CCDC192: variants seen among roughly 807,000 people sequenced by gnomAD.
CCDC192 encodes the protein coiled-coil domain-containing protein 192.
intron 6 of CCDC192, among the ~76,000 whole-genome samples, chr5:127,919,852 C>T (rs1364754774): frequency 6.6e-6 from 1 of 152,228 alleles, no homozygotes; most frequent in Non-Finnish European, 1.5e-5. Context: ...TCTATCTGCT[C>T]TGTACTACAG....
intron 5 of CCDC192, among the ~76,000 whole-genome samples, chr5:127,802,433 C>A (rs551372167): frequency 1.4e-4 from 22 of 152,144 alleles, no homozygotes; most frequent in South Asian, 8.3e-4. Flanking sequence ...TCATCTCCAT[C>A]TCCATCTGCG....
At chr5:127,752,715 G>A (rs1284330733) in intron 2 of CCDC192, among the ~76,000 whole-genome samples, 3 of 152,146 alleles carry the variant, frequency 2.0e-5, no homozygotes, top group Non-Finnish European at 4.4e-5. Context: ...CCCCAGCCTC[G>A]CTGCCGCCTT....
chr5:127,890,362 A>G (rs1470045235), intron 6 of CCDC192, among the ~76,000 whole-genome samples: 2 of 151,976 alleles, frequency 1.3e-5, no homozygotes, highest in Admixed American at 6.6e-5. Context: ...CCTGTAGATA[A>G]GCATCACTAT....
chr5:127,813,839 A>C (rs535289612), intron 5 of CCDC192, among the ~76,000 whole-genome samples: 14 of 152,176 alleles, frequency 9.2e-5, no homozygotes, highest in Non-Finnish European at 1.3e-4. Context: ...TCCATTAAAA[A>C]CTCATGACAA....
intron 5 of CCDC192, among the ~76,000 whole-genome samples, chr5:127,825,167 A>T (rs1211501037): frequency 6.6e-6 from 1 of 152,222 alleles, no homozygotes; most frequent in South Asian, 2.1e-4. Context: ...TGAGAATAGC[A>T]TTTACTTATT....
rs1751061324 is a variant in CCDC192 at position 127,707,854 on chromosome 5, A to G, written c.114+94A>G. 5.2e-6 allele frequency: 2 copies of G among 387,116 alleles called. 1 individual carries two copies. Among genetic ancestry groups the G allele is most frequent in the Admixed American group, 8.9e-5 (2 of 22,410 alleles). The allele number at this position is 387,116 out of a possible 1,614,324, so 24.0% of individuals were successfully genotyped here. On this transcript the variant is annotated intron_variant, in intron 2 of 6. Coordinates refer to ENST00000514853, the MANE Select transcript of CCDC192 (RefSeq NM_001317938.2). Reference sequence around the variant, plus strand: ...TAATTAATATTAAGGTTTTCTTGATATTGTTTAGTTTTCACATTTTACTAG... The same window carrying G: ...TAATTAATATTAAGGTTTTCTTGATGTTGTTTAGTTTTCACATTTTACTAG...
intron 2 of CCDC192, among the ~76,000 whole-genome samples, chr5:127,752,428 G>C (rs1486491058): frequency 6.6e-6 from 1 of 152,180 alleles, no homozygotes; most frequent in Non-Finnish European, 1.5e-5. Context: ...GCTGCTCGGG[G>C]GTCAGGGGTC....
At chr5:127,736,845 G>A (rs998999487) in intron 2 of CCDC192, among the ~76,000 whole-genome samples, 20 of 149,090 alleles carry the variant, frequency 1.3e-4, no homozygotes, top group African/African-American at 2.2e-4. Context: ...TCTTGCTAGC[G>A]GTCTATCAAT....
At chr5:127,818,582 C>T (rs757358658) in intron 5 of CCDC192, among the ~76,000 whole-genome samples, 2 of 152,186 alleles carry the variant, frequency 1.3e-5, no homozygotes, top group African/African-American at 4.8e-5. Context: ...GTGGAATGAT[C>T]GTGGCTGTCA....
chr5:127,800,096 C>T (rs1305233485), intron 5 of CCDC192, among the ~76,000 whole-genome samples: 1 of 151,834 alleles, frequency 6.6e-6, no homozygotes, highest in Non-Finnish European at 1.5e-5. Flanking sequence ...TTACAACTTG[C>T]TGTCTCTCCA....
chr5:127,921,743 C>T (rs543278567), intron 6 of CCDC192, among the ~76,000 whole-genome samples: 20 of 152,234 alleles, frequency 1.3e-4, no homozygotes, highest in African/African-American at 4.1e-4. Context: ...GTGTAGGCCC[C>T]GAACCTCCCC....
intron 2 of CCDC192, among the ~76,000 whole-genome samples, chr5:127,708,747 G>T (rs1030432785): frequency 6.6e-6 from 1 of 152,170 alleles, no homozygotes; most frequent in Non-Finnish European, 1.5e-5. Flanking sequence ...ATGGTTAAGT[G>T]CCTGAGAGTG....
intron 2 of CCDC192, among the ~76,000 whole-genome samples, chr5:127,733,757 T>G (rs1443919183): frequency 6.6e-6 from 1 of 151,986 alleles, no homozygotes; most frequent in Non-Finnish European, 1.5e-5. Flanking sequence ...CTGTAGCCTC[T>G]GAAAACAGAA....
intron 5 of CCDC192, among the ~76,000 whole-genome samples, chr5:127,812,481 T>C (rs140514976): frequency 7.0e-4 from 107 of 152,346 alleles, no homozygotes; most frequent in South Asian, 2.5e-3. Context: ...GCTGCTATTG[T>C]TGCCTTGTCC....
At chr5:127,819,526 G>T (rs1169206636) in intron 5 of CCDC192, among the ~76,000 whole-genome samples, 1 of 152,026 alleles carries the variant, frequency 6.6e-6, no homozygotes, top group African/African-American at 2.4e-5. Context: ...TTTGAGTCTG[G>T]GTGGTCACTT....
At chr5:127,919,680 A>G (rs2127188045) in intron 6 of CCDC192, among the ~76,000 whole-genome samples, 1 of 152,338 alleles carries the variant, frequency 6.6e-6, no homozygotes, top group South Asian at 2.1e-4. Context: ...CTCCATAGGA[A>G]AGTGCTGAGA....
chr5:127,790,668 C>T lies in CCDC192; in HGVS notation c.223-6435C>T, dbSNP rs77594363. Among the ~76,000 whole-genome samples the T allele has an allele frequency of 3.2e-3, 490 of 152,254 alleles. 4 individuals are homozygous for T. The highest frequency in any genetic ancestry group is 0.011 in the African/African-American group (470 of 41,556). On this transcript the variant is annotated intron_variant, in intron 3 of 6. Coordinates refer to ENST00000514853, the MANE Select transcript of CCDC192 (RefSeq NM_001317938.2). Reference sequence around the variant, plus strand: ...TTCTACTCTCTACTTCCATAACATCCACTTTTTTAGCTCCCAGATAGAAGT... The same window carrying T: ...TTCTACTCTCTACTTCCATAACATCTACTTTTTTAGCTCCCAGATAGAAGT...
intron 6 of CCDC192, among the ~76,000 whole-genome samples, chr5:127,936,870 G>A (rs1754201016): frequency 6.6e-6 from 1 of 152,166 alleles, no homozygotes; most frequent in South Asian, 2.1e-4. Flanking sequence ...TGTGAAGTGT[G>A]GGACATGTAG....
intron 3 of CCDC192, among the ~76,000 whole-genome samples, chr5:127,790,067 G>A (rs1161558618): frequency 6.6e-6 from 1 of 152,248 alleles, no homozygotes; most frequent in South Asian, 2.1e-4. Context: ...CCTAGCCACA[G>A]CATGGATGGA....
Sources: gnomAD v4.1 joint callset for allele counts (sites outside exome capture counted in the v4.1 genomes callset) on GRCh38, gnomAD v4.1.1 for gene constraint, MANE v1.5 for transcripts, NCBI Gene and HGNC (gene_info 2026-07-23, HGNC 2026-07-21) for gene names.